The following HEMK2 variants were observed in gnomAD, a reference collection of about 807,000 sequenced individuals.
The protein encoded by HEMK2 is HemK methyltransferase 2, ETF1 glutamine and histone H4 lysine.
the HEMK2 span, among the ~76,000 whole-genome samples, chr21:28,812,671 TC>T: frequency 6.6e-6 from 1 of 152,048 alleles, no homozygotes; most frequent in East Asian, 1.9e-4. Flanking sequence ...TAGGGAGGAG[TC>T]CCTCTTTTTC....
chr21:28,784,957 G>A, the HEMK2 span, among the ~76,000 whole-genome samples: 11 of 152,166 alleles, frequency 7.2e-5, no homozygotes, highest in Middle Eastern at 3.2e-3. Context: ...TCACCGCGAA[G>A]ATCTGCGGCT....
chr21:28,827,704 G>C, the HEMK2 span, among the ~76,000 whole-genome samples: 1 of 152,228 alleles, frequency 6.6e-6, no homozygotes, highest in East Asian at 1.9e-4. Flanking sequence ...CACTTATGTA[G>C]TGAACTATTA....
the HEMK2 span, among the ~76,000 whole-genome samples, chr21:28,778,706 C>T: frequency 0.088 from 13,443 of 152,060 alleles, 869 homozygotes; most frequent in East Asian, 0.3. Flanking sequence ...TGCTTTTTGC[C>T]GTCTTATATC....
At chr21:28,834,517 C>T in the HEMK2 span, among the ~76,000 whole-genome samples, 1 of 152,146 alleles carries the variant, frequency 6.6e-6, no homozygotes, top group African/African-American at 2.4e-5. Context: ...CACTGGCTCC[C>T]CTAGCAGGCC....
chr21:28,583,807 C>A, the HEMK2 span, among the ~76,000 whole-genome samples: 1 of 151,776 alleles, frequency 6.6e-6, no homozygotes, highest in Non-Finnish European at 1.5e-5. Flanking sequence ...GAACAGAAAG[C>A]ATAGCATCTA....
At chr21:28,877,837 C>T in the HEMK2 span, among the ~76,000 whole-genome samples, 1 of 151,940 alleles carries the variant, frequency 6.6e-6, no homozygotes, top group African/African-American at 2.4e-5. Flanking sequence ...AAACTCCTAA[C>T]GAACTAAAGA....
the HEMK2 span, among the ~76,000 whole-genome samples, chr21:28,591,761 C>A: frequency 1.8e-3 from 269 of 152,218 alleles, 4 homozygotes; most frequent in Non-Finnish European, 3.5e-4. Flanking sequence ...CCCATGAGTT[C>A]TCATCATCTA....
At chr21:28,701,546 C>CCA in the HEMK2 span, among the ~76,000 whole-genome samples, 236 of 119,918 alleles carry the variant, frequency 2.0e-3, 1 homozygote, top group East Asian at 0.033. Flanking sequence ...TTCACAATAG[C>CCA]CACACACACA....
chr21:28,702,048 C>A, the HEMK2 span, among the ~76,000 whole-genome samples: 9 of 152,078 alleles, frequency 5.9e-5, no homozygotes, highest in Non-Finnish European at 1.2e-4. Flanking sequence ...AGCATCTGAT[C>A]TTCAACAAAG....
At chr21:28,596,710 G>C in the HEMK2 span, among the ~76,000 whole-genome samples, 1 of 152,160 alleles carries the variant, frequency 6.6e-6, no homozygotes, top group Non-Finnish European at 1.5e-5. Context: ...ACCATAGCTA[G>C]AGTCTGTAAA....
At chr21:28,641,321 C>T in the HEMK2 span, among the ~76,000 whole-genome samples, 1 of 152,110 alleles carries the variant, frequency 6.6e-6, no homozygotes, top group South Asian at 2.1e-4. Flanking sequence ...AAGAGAAGTG[C>T]CCCAATACCT....
the HEMK2 span, among the ~76,000 whole-genome samples, chr21:28,741,631 A>G: frequency 2.6e-5 from 4 of 152,116 alleles, no homozygotes; most frequent in African/African-American, 4.8e-5. Flanking sequence ...GCTCCCACTT[A>G]TAAGTGAGAA....
chr21:28,748,570 T>A, the HEMK2 span, among the ~76,000 whole-genome samples: 1 of 152,318 alleles, frequency 6.6e-6, no homozygotes, highest in South Asian at 2.1e-4. Flanking sequence ...GGTTTGGGGA[T>A]TATTGCTGTG....
chr21:28,820,897 C>T, the HEMK2 span, among the ~76,000 whole-genome samples: 7 of 152,266 alleles, frequency 4.6e-5, no homozygotes, highest in East Asian at 1.9e-4. Flanking sequence ...ATGTGAAATA[C>T]ACAAGTAAAG....
chr21:28,858,468 G>C, the HEMK2 span, among the ~76,000 whole-genome samples: 3 of 151,968 alleles, frequency 2.0e-5, no homozygotes, highest in Admixed American at 2.0e-4. Context: ...TATCCTTCCC[G>C]TTTCAGGAGA....
the HEMK2 span, among the ~76,000 whole-genome samples, chr21:28,841,003 ATT>A: frequency 8.9e-6 from 1 of 112,974 alleles, no homozygotes. Context: ...ACATATATAT[ATT>A]ATATATATAA....
chr21:28,701,555 C>CAA, the HEMK2 span, among the ~76,000 whole-genome samples: 1 of 61,210 alleles, frequency 1.6e-5, no homozygotes, highest in Admixed American at 1.8e-4. Context: ...GCCACACACA[C>CAA]ACATACACAC....
the HEMK2 span, among the ~76,000 whole-genome samples, chr21:28,617,002 G>C: frequency 6.6e-6 from 1 of 152,180 alleles, no homozygotes; most frequent in East Asian, 1.9e-4. Flanking sequence ...TTAGGCTCCA[G>C]TGAGCTGGCC....
chr21:28,828,225 G>A, the HEMK2 span, among the ~76,000 whole-genome samples: 2 of 152,142 alleles, frequency 1.3e-5, no homozygotes, highest in Admixed American at 1.3e-4. Context: ...GTGTGCAGAT[G>A]TGCCCAACTC....
Sources: gnomAD v4.1 joint callset for allele counts (sites outside exome capture counted in the v4.1 genomes callset) on GRCh38, gnomAD v4.1.1 for gene constraint, MANE v1.5 for transcripts, NCBI Gene and HGNC (gene_info 2026-07-23, HGNC 2026-07-21) for gene names.